Variants in SYTL4 observed in about 807,000 individuals in gnomAD.
The protein encoded by SYTL4 is synaptotagmin like 4, also known as synaptotagmin-like protein 4.
In SYTL4, 16 loss-of-function variants were observed where a neutral mutation model predicts 52.7. The observed-to-expected ratio is 0.30, with a 90% confidence interval of 0.21 to 0.46. SYTL4 has a LOEUF of 0.46. SYTL4 is among the 20% of genes least tolerant of loss of function. The probability of loss-of-function intolerance (pLI) is 1.00; values close to 1 mark genes in which losing one functional copy is unlikely to be tolerated. For synonymous variants in SYTL4, 160 were observed against 186.6 expected, an observed-to-expected ratio of 0.86 and a Z score of 1.16; for missense variants, 423 against 519.9, an observed-to-expected ratio of 0.81 and a Z score of 1.81.
intron 2 of SYTL4, among the ~76,000 whole-genome samples, chrX:100,729,461 G>A (rs1004963844): frequency 1.3e-4 from 14 of 110,513 alleles, no homozygotes; most frequent in Admixed American, 9.6e-4. Context: ...GGGATTACAC[G>A]TTTAAATAGG....
intron 13 of SYTL4, chrX:100,687,991 C>G (rs1357539041): frequency 7.0e-6 from 1 of 143,447 alleles, no homozygotes; most frequent in Non-Finnish European, 1.3e-5. Flanking sequence ...CCTCTCATGA[C>G]ACTCACTTTC....
chrX:100,700,958 T>C lies in SYTL4; in HGVS notation c.478A>G (p.Thr160Ala), dbSNP rs144908554. The stretch of plus-strand genomic sequence containing the variant: ...CCTGGCCAGATGTCACCCATCTGTG[T>C]CTGATGAAGGAGGGACTGTCCCACT... ...ETVGQSLLHQ[T>A]QMGDIWPGRK... The change falls in exon 8 of 20, where the codon ACA (threonine) becomes GCA (alanine). Residue 160 changes from threonine (T) to alanine (A), a missense_variant. Physicochemically the swap from Thr to Ala is moderately conservative, Grantham distance 58. Transcript: ENST00000372989. The C allele has an allele frequency of 4.8e-4, 580 of 1,208,985 alleles. 1 individual carries two copies. The highest frequency in any genetic ancestry group is 7.0e-4 in the South Asian group (40 of 56,761).
intron 2 of SYTL4, among the ~76,000 whole-genome samples, chrX:100,727,999 G>C (rs2084556262): frequency 1.8e-5 from 2 of 111,606 alleles, no homozygotes; most frequent in Non-Finnish European, 3.8e-5. Flanking sequence ...TTAGAAGAAA[G>C]GCCTGGGTAA....
At chrX:100,717,021 C>T (rs2084240445) in intron 2 of SYTL4, among the ~76,000 whole-genome samples, 2 of 111,709 alleles carry the variant, frequency 1.8e-5, no homozygotes, top group South Asian at 7.6e-4. Flanking sequence ...TCTGCAAGAG[C>T]TCCTTCTGCT....
intron 2 of SYTL4, among the ~76,000 whole-genome samples, chrX:100,720,232 G>T (rs1489491284): frequency 9.0e-6 from 1 of 111,712 alleles, no homozygotes; most frequent in Admixed American, 9.5e-5. Flanking sequence ...TAGGCTGATG[G>T]GTGCAGGATG....
intron 16 of SYTL4, among the ~76,000 whole-genome samples, chrX:100,682,788 A>C (rs2083401598): frequency 8.9e-6 from 1 of 111,994 alleles, no homozygotes. Context: ...TGGATTTGCC[A>C]CAATTATAAA....
intron 19 of SYTL4, among the ~76,000 whole-genome samples, chrX:100,676,396 G>C (rs113116355): frequency 1.8e-5 from 2 of 111,997 alleles, no homozygotes; most frequent in South Asian, 3.8e-4. Flanking sequence ...ACAGTCACTA[G>C]AGACTTCTTA....
At position 100,675,888 on chromosome X, in the gene SYTL4, GTACACA is replaced by G. The variant is rs750128469; in HGVS notation, c.*134_*139del. 913 of 485,355 alleles carry G rather than the reference GTACACA, an allele frequency of 1.9e-3. 6 individuals carry two copies. Among genetic ancestry groups the G allele is most frequent in the African/African-American group, 0.018 (664 of 37,312 alleles). The allele number at this position is 485,355 out of a possible 1,213,427, so 40.0% of individuals were successfully genotyped here. On this transcript the variant is annotated 3_prime_UTR_variant, in exon 20 of 20. Coordinates refer to ENST00000372989, the MANE Select transcript of SYTL4 (RefSeq NM_001370165.1). ...TGAGATTTGCAGAAAATACATGTTT[GTACACA>G]TACACACACACACACACACACACAC...
At chrX:100,708,815 C>A (rs1186541776) in intron 2 of SYTL4, among the ~76,000 whole-genome samples, 2 of 111,995 alleles carry the variant, frequency 1.8e-5, no homozygotes, top group African/African-American at 6.5e-5. Context: ...TTGGTGTTCC[C>A]AAAATGAAAA....
At chrX:100,728,639 C>T (rs2084571020) in intron 2 of SYTL4, among the ~76,000 whole-genome samples, 1 of 111,986 alleles carries the variant, frequency 8.9e-6, no homozygotes, top group Non-Finnish European at 1.9e-5. Context: ...ACAATCCACA[C>T]CCCTTCCTCC....
At chrX:100,698,289 G>C (rs1242991790) in intron 8 of SYTL4, among the ~76,000 whole-genome samples, 2 of 110,439 alleles carry the variant, frequency 1.8e-5, no homozygotes, top group African/African-American at 6.6e-5. Flanking sequence ...ATTTTTATTA[G>C]AGACGGGGTT....
intron 4 of SYTL4, among the ~76,000 whole-genome samples, chrX:100,702,614 C>G (rs2083878928): frequency 8.9e-6 from 1 of 111,996 alleles, no homozygotes; most frequent in African/African-American, 3.2e-5. Context: ...CTTCCACCCC[C>G]TACTCTATCT....
chrX:100,700,767 T>C (rs2083832434), intron 8 of SYTL4, 130 bp downstream of exon 8: 3 of 518,136 alleles, frequency 5.8e-6, no homozygotes, highest in Non-Finnish European at 9.6e-6. Context: ...CCTCCTTTAC[T>C]ATTTTCTGTA....
At chrX:100,679,277 G>A in intron 18 of SYTL4, 36 bp downstream of exon 18, 1 of 1,076,028 alleles carries the variant, frequency 9.3e-7, no homozygotes, top group Non-Finnish European at 1.3e-6. Flanking sequence ...CTCTTGTTCT[G>A]AAACTGGTTA....
At chrX:100,728,954 A>T (rs996582558) in intron 2 of SYTL4, among the ~76,000 whole-genome samples, 7 of 109,545 alleles carry the variant, frequency 6.4e-5, no homozygotes, top group Non-Finnish European at 3.8e-5. Flanking sequence ...GGAGAATGGC[A>T]TGAACCCAGG....
chrX:100,680,560 A>C (rs926516323), intron 17 of SYTL4, among the ~76,000 whole-genome samples: 2 of 111,014 alleles, frequency 1.8e-5, no homozygotes, highest in Non-Finnish European at 3.8e-5. Context: ...CACTAAAATA[A>C]GGGACACACT....
chrX:100,688,236 A>T, intron 13 of SYTL4, 115 bp downstream of exon 13: 1 of 564,323 alleles, frequency 1.8e-6, no homozygotes, highest in Non-Finnish European at 3.0e-6. Context: ...GATCTTACTT[A>T]CCTGAAAAGA....
At chrX:100,717,375 T>A (rs1018322015) in intron 2 of SYTL4, among the ~76,000 whole-genome samples, 8 of 112,919 alleles carry the variant, frequency 7.1e-5, no homozygotes, top group Non-Finnish European at 1.5e-4. Flanking sequence ...CAGTAGCACA[T>A]GAACTGATTG....
At chrX:100,716,312 G>A (rs1226472671) in intron 2 of SYTL4, among the ~76,000 whole-genome samples, 1 of 106,397 alleles carries the variant, frequency 9.4e-6, no homozygotes, top group African/African-American at 3.4e-5. Context: ...ACCCTGGCAT[G>A]GTGGTGCATG....
Sources: gnomAD v4.1 joint callset for allele counts (sites outside exome capture counted in the v4.1 genomes callset) on GRCh38, gnomAD v4.1.1 for gene constraint, MANE v1.5 for transcripts, NCBI Gene and HGNC (gene_info 2026-07-23, HGNC 2026-07-21) for gene names.